Variants in COL8A1 observed in about 807,000 individuals in gnomAD.
COL8A1 encodes collagen type VIII alpha 1 chain.
Under a neutral mutation model 42.7 loss-of-function variants are expected in COL8A1, and 21 were observed. The observed-to-expected ratio is 0.49, with a 90% confidence interval of 0.35 to 0.71. The LOEUF is 0.71. Ranked by LOEUF, COL8A1 falls within the 30% of genes least tolerant of loss-of-function variation. The pLI is 0.01. For missense variants in COL8A1, 788 were observed against 962.4 expected (o/e 0.82, Z 2.40); for synonymous variants, 367 against 369.1 (o/e 0.99, Z 0.06).
chr3:99,723,787 G>A (rs562887481), intron 1 of COL8A1, among the ~76,000 whole-genome samples: 1 of 152,196 alleles, frequency 6.6e-6, no homozygotes, highest in East Asian at 1.9e-4. Context: ...TCTCCTAATT[G>A]AAAGGAGCAG....
At chr3:99,743,241 T>A (rs929263880) in intron 1 of COL8A1, among the ~76,000 whole-genome samples, 3 of 152,208 alleles carry the variant, frequency 2.0e-5, no homozygotes, top group African/African-American at 7.2e-5. Flanking sequence ...AGCTCTTGAG[T>A]CCATTTACTA....
At chr3:99,697,799 C>G (rs919324988) in intron 1 of COL8A1, among the ~76,000 whole-genome samples, 1 of 152,212 alleles carries the variant, frequency 6.6e-6, no homozygotes, top group Non-Finnish European at 1.5e-5. Flanking sequence ...TAACCCAGTT[C>G]AGACCAAATT....
chr3:99,761,368 T>C (rs117966252), intron 2 of COL8A1, among the ~76,000 whole-genome samples: 1 of 152,184 alleles, frequency 6.6e-6, no homozygotes, highest in Non-Finnish European at 1.5e-5. Flanking sequence ...ATGGTGATTC[T>C]GTAACTTGGC....
chr3:99,693,271 A>G (rs927383201), intron 1 of COL8A1, among the ~76,000 whole-genome samples: 3 of 152,250 alleles, frequency 2.0e-5, no homozygotes, highest in Non-Finnish European at 4.4e-5. Flanking sequence ...TGACTATGCT[A>G]TTGCTTATGT....
At chr3:99,776,061 A>G (rs777066698) in intron 2 of COL8A1, among the ~76,000 whole-genome samples, 1 of 152,184 alleles carries the variant, frequency 6.6e-6, no homozygotes, top group African/African-American at 2.4e-5. Context: ...TACTTATATC[A>G]CATTGGCATT....
chr3:99,796,195 C>T lies in COL8A1; in HGVS notation c.*59C>T. The stretch of plus-strand genomic sequence containing the variant: ...GATTTTATAGAAGAAAATGACACAC[C>T]AAAAAATCCAAATGAAAAACATAAT... On this transcript the variant is annotated 3_prime_UTR_variant, in exon 4 of 4. Transcript: ENST00000652472. 7.8e-7 allele frequency: 1 copy of T among 1,287,222 alleles called. No homozygotes were observed. Among genetic ancestry groups the T allele is most frequent in the Non-Finnish European group, 1.0e-6 (1 of 972,680 alleles). 79.7% of individuals were successfully genotyped at this position (1,287,222 alleles called of 1,614,324 possible).
At chr3:99,750,493 T>C (rs1226706569) in intron 2 of COL8A1, among the ~76,000 whole-genome samples, 1 of 152,184 alleles carries the variant, frequency 6.6e-6, no homozygotes, top group Non-Finnish European at 1.5e-5. Flanking sequence ...AAACATATAT[T>C]GCTTTTATAA....
At chr3:99,661,669 T>A (rs935350157) in intron 1 of COL8A1, among the ~76,000 whole-genome samples, 3 of 152,178 alleles carry the variant, frequency 2.0e-5, no homozygotes, top group African/African-American at 7.2e-5. Context: ...ATTTTTACAA[T>A]CCATGTTCAT....
At chr3:99,700,018 G>C (rs891360729) in intron 1 of COL8A1, among the ~76,000 whole-genome samples, 3 of 152,198 alleles carry the variant, frequency 2.0e-5, no homozygotes, top group African/African-American at 7.2e-5. Context: ...ATGTGCGCAT[G>C]AGTCATCTAG....
intron 2 of COL8A1, among the ~76,000 whole-genome samples, chr3:99,745,828 G>C (rs1406007037): frequency 7.6e-6 from 1 of 132,394 alleles, no homozygotes; most frequent in Non-Finnish European, 1.6e-5. Flanking sequence ...TTCAAACCTT[G>C]ATGGAAAAAA....
intron 2 of COL8A1, among the ~76,000 whole-genome samples, chr3:99,769,358 G>T (rs542795112): frequency 6.6e-6 from 1 of 152,312 alleles, no homozygotes; most frequent in East Asian, 1.9e-4. Flanking sequence ...CAGGGACATT[G>T]GATTGACAAG....
At chr3:99,640,892 A>C (rs758845683) in intron 1 of COL8A1, among the ~76,000 whole-genome samples, 1 of 152,110 alleles carries the variant, frequency 6.6e-6, no homozygotes, top group Non-Finnish European at 1.5e-5. Context: ...GATCAAGTCC[A>C]TGACTATACC....
At chr3:99,663,865 A>G (rs1020882754) in intron 1 of COL8A1, among the ~76,000 whole-genome samples, 1 of 152,186 alleles carries the variant, frequency 6.6e-6, no homozygotes, top group African/African-American at 2.4e-5. Flanking sequence ...TTTAATGCAT[A>G]CTATCTTTGA....
intron 2 of COL8A1, among the ~76,000 whole-genome samples, chr3:99,779,348 G>T (rs1941751313): frequency 6.6e-6 from 1 of 152,186 alleles, no homozygotes; most frequent in Non-Finnish European, 1.5e-5. Flanking sequence ...AGCTAAAAAA[G>T]TGATTGTAAG....
chr3:99,783,720 G>A (rs916607141), intron 2 of COL8A1, among the ~76,000 whole-genome samples: 1 of 152,068 alleles, frequency 6.6e-6, no homozygotes, highest in Non-Finnish European at 1.5e-5. Flanking sequence ...GGTAGCAGGA[G>A]AGAGAGAGCA....
intron 1 of COL8A1, among the ~76,000 whole-genome samples, chr3:99,742,799 C>A (rs926417450): frequency 1.1e-4 from 17 of 152,064 alleles, no homozygotes; most frequent in Admixed American, 2.0e-4. Flanking sequence ...AGATACATGA[C>A]ATGTACATAA....
intron 3 of COL8A1, among the ~76,000 whole-genome samples, chr3:99,793,803 G>T (rs1433763847): frequency 1.3e-5 from 2 of 152,066 alleles, no homozygotes; most frequent in Non-Finnish European, 2.9e-5. Context: ...CCAGGCTGGA[G>T]TGCAGTGGTG....
chr3:99,683,007 T>C (rs1428964910), intron 1 of COL8A1, among the ~76,000 whole-genome samples: 17 of 152,186 alleles, frequency 1.1e-4, no homozygotes. Flanking sequence ...TGTATGAACT[T>C]TTTGAAAGTC....
chr3:99,752,131 G>A lies in COL8A1; in HGVS notation c.-4+7110G>A, dbSNP rs1941163244. Among the ~76,000 whole-genome samples the A allele has an allele frequency of 2.6e-5, 4 of 152,214 alleles. No individual in the cohort carries two copies. In the South Asian group the frequency reaches 8.3e-4, roughly 32 times the overall value. ...TTGCATTATGGACATCCTGGAAGAA[G>A]TAAACATGAAAGCTCTTTTTCTAAG... On this transcript the variant is annotated intron_variant, in intron 2 of 3. Transcript: ENST00000652472.
Sources: gnomAD v4.1 joint callset for allele counts (sites outside exome capture counted in the v4.1 genomes callset) on GRCh38, gnomAD v4.1.1 for gene constraint, MANE v1.5 for transcripts, NCBI Gene and HGNC (gene_info 2026-07-23, HGNC 2026-07-21) for gene names.